SPAG16: variants seen among roughly 807,000 people sequenced by gnomAD.
SPAG16 encodes the protein sperm associated antigen 16.
Under a neutral mutation model 80.4 loss-of-function variants are expected in SPAG16, and 86 were observed. The ratio of observed to expected loss-of-function variants is 1.07; its 90% CI spans 0.90 to 1.28. The LOEUF (loss-of-function observed/expected upper bound fraction) is 1.28. Ranked by LOEUF, SPAG16 falls within the 50% of genes most tolerant of loss-of-function variation. SPAG16 has a pLI of 0.00. For synonymous variants in SPAG16, 294 were observed against 265.9 expected, an observed-to-expected ratio of 1.11 and a Z score of -1.03; for missense variants, 870 against 765.3, an observed-to-expected ratio of 1.14 and a Z score of -1.61.
rs937636862 is a variant in SPAG16 at position 213,364,066 on chromosome 2, T to A, written c.763-10T>A. ...TGTATAATTTCATTTCTTTGAATTTTACTTTTTAGATTTCTGGACTTCAAG... is the reference window on the plus strand; with the variant it reads ...TGTATAATTTCATTTCTTTGAATTTAACTTTTTAGATTTCTGGACTTCAAG... On this transcript the variant is annotated splice_polypyrimidine_tract_variant and intron_variant, in intron 7 of 15. Coordinates refer to ENST00000331683, the MANE Select transcript of SPAG16 (RefSeq NM_024532.5). The A allele has an allele frequency of 7.0e-7, 1 of 1,425,622 alleles. No individual in the cohort carries two copies. The highest frequency in any genetic ancestry group is 9.4e-7 in the Non-Finnish European group (1 of 1,065,234). The allele number at this position is 1,425,622 out of a possible 1,614,324, so 88.3% of individuals were successfully genotyped here.
At chr2:214,177,916 C>CATATATATATATATATATACATAT (rs10622953) in intron 15 of SPAG16, among the ~76,000 whole-genome samples, 1 of 92,204 alleles carries the variant, frequency 1.1e-5, no homozygotes, top group Admixed American at 1.2e-4. Flanking sequence ...TATATATATA[C>CATATATATATATATATATACATAT]ATATATATAT....
At chr2:213,868,249 AT>A (rs72309764) in intron 11 of SPAG16, among the ~76,000 whole-genome samples, 32 of 151,482 alleles carry the variant, frequency 2.1e-4, no homozygotes, top group African/African-American at 6.1e-4. Context: ...AAAAATGAGA[AT>A]TTTTTTTTTA....
chr2:214,054,434 A>G (rs1057259653), intron 13 of SPAG16, among the ~76,000 whole-genome samples: 2 of 152,234 alleles, frequency 1.3e-5, no homozygotes, highest in Non-Finnish European at 2.9e-5. Context: ...TCTTATCAGA[A>G]GTTCTTAAAC....
At chr2:213,880,075 G>A (rs2076287966) in intron 11 of SPAG16, among the ~76,000 whole-genome samples, 1 of 152,072 alleles carries the variant, frequency 6.6e-6, no homozygotes, top group African/African-American at 2.4e-5. Context: ...TTCTACAGTG[G>A]CTGAACTAAT....
chr2:214,309,886 G>T (rs1695165412), intron 15 of SPAG16, among the ~76,000 whole-genome samples: 1 of 152,202 alleles, frequency 6.6e-6, no homozygotes, highest in Non-Finnish European at 1.5e-5. Context: ...GGGACAGCAG[G>T]TTGTGGGGTG....
intron 5 of SPAG16, among the ~76,000 whole-genome samples, chr2:213,335,009 T>C (rs1422057183): frequency 6.6e-6 from 1 of 152,200 alleles, no homozygotes; most frequent in East Asian, 1.9e-4. Flanking sequence ...TTTTCCATGA[T>C]TATTACACAT....
chr2:214,273,630 C>G (rs1044246936), intron 15 of SPAG16, among the ~76,000 whole-genome samples: 4 of 152,010 alleles, frequency 2.6e-5, no homozygotes, highest in African/African-American at 9.7e-5. Flanking sequence ...ATTCCTGAGG[C>G]CTCTGTTCTG....
At chr2:213,304,574 T>C (rs565720505) in intron 3 of SPAG16, among the ~76,000 whole-genome samples, 7 of 152,256 alleles carry the variant, frequency 4.6e-5, no homozygotes, top group African/African-American at 1.7e-4. Flanking sequence ...GATAGGGGTC[T>C]AGTTTGATTC....
At chr2:213,539,642 T>C (rs1435686828) in intron 10 of SPAG16, among the ~76,000 whole-genome samples, 1 of 152,216 alleles carries the variant, frequency 6.6e-6, no homozygotes, top group African/African-American at 2.4e-5. Flanking sequence ...TACAAGAATT[T>C]AGTGCTTCAC....
chr2:214,363,635 T>A (rs1699310491), intron 15 of SPAG16, among the ~76,000 whole-genome samples: 1 of 151,926 alleles, frequency 6.6e-6, no homozygotes, highest in Non-Finnish European at 1.5e-5. Context: ...AGAATTTCAA[T>A]TCAGAGTACA....
chr2:213,782,106 C>A (rs182135253), intron 10 of SPAG16, among the ~76,000 whole-genome samples: 6 of 151,898 alleles, frequency 4.0e-5, no homozygotes, highest in Non-Finnish European at 8.8e-5. Flanking sequence ...AATACTATCT[C>A]ATTTCAAAGT....
At chr2:213,690,268 A>G (rs747136171) in intron 10 of SPAG16, among the ~76,000 whole-genome samples, 1 of 152,192 alleles carries the variant, frequency 6.6e-6, no homozygotes, top group African/African-American at 2.4e-5. Context: ...TTGATAAAAG[A>G]CAGATATTTA....
intron 10 of SPAG16, among the ~76,000 whole-genome samples, chr2:213,503,990 T>C (rs1221283124): frequency 6.6e-6 from 1 of 152,186 alleles, no homozygotes; most frequent in Non-Finnish European, 1.5e-5. Context: ...GAACTTTGTA[T>C]GGCAGACATG....
At chr2:213,630,042 T>A (rs1214022563) in intron 10 of SPAG16, among the ~76,000 whole-genome samples, 1 of 152,206 alleles carries the variant, frequency 6.6e-6, no homozygotes, top group African/African-American at 2.4e-5. Flanking sequence ...GTTCCCATCA[T>A]CCATATAACC....
intron 15 of SPAG16, among the ~76,000 whole-genome samples, chr2:214,409,487 A>T (rs1291090641): frequency 6.6e-6 from 1 of 152,148 alleles, no homozygotes; most frequent in Non-Finnish European, 1.5e-5. Context: ...TACAAAAATT[A>T]TGCAAATACC....
chr2:214,098,507 G>T (rs1299130889), intron 13 of SPAG16, among the ~76,000 whole-genome samples: 1 of 152,046 alleles, frequency 6.6e-6, no homozygotes, highest in African/African-American at 2.4e-5. Context: ...TGAACATATA[G>T]GGGGATGACA....
At chr2:213,316,433 T>C (rs1358232498) in intron 4 of SPAG16, among the ~76,000 whole-genome samples, 2 of 152,090 alleles carry the variant, frequency 1.3e-5, no homozygotes, top group Non-Finnish European at 2.9e-5. Flanking sequence ...GTCTCTCTGA[T>C]TCTATGCTTG....
At chr2:213,725,655 C>T (rs144707356) in intron 10 of SPAG16, among the ~76,000 whole-genome samples, 1 of 152,236 alleles carries the variant, frequency 6.6e-6, no homozygotes, top group East Asian at 1.9e-4. Context: ...GTCTTAGCAA[C>T]AGTGAGAAAA....
chr2:214,356,314 G>T (rs1260926389), intron 15 of SPAG16, among the ~76,000 whole-genome samples: 1 of 151,912 alleles, frequency 6.6e-6, no homozygotes, highest in Non-Finnish European at 1.5e-5. Context: ...GTCAGAAATT[G>T]TGGGGAAAAA....
Sources: allele counts gnomAD v4.1 joint callset (sites outside exome capture counted in the v4.1 genomes callset), GRCh38; gene constraint gnomAD v4.1.1; transcripts MANE v1.5; gene names NCBI Gene and HGNC (gene_info 2026-07-23, HGNC 2026-07-21).